OR7C1: variants seen among roughly 807,000 people sequenced by gnomAD.
OR7C1 encodes olfactory receptor family 7 subfamily C member 1, also known as olfactory receptor 7C1.
For missense variants in OR7C1, 324 were observed against 383.3 expected (o/e 0.85, Z 1.29); for synonymous variants, 152 against 160.7 (o/e 0.95, Z 0.41).
intron 1 of OR7C1, 35 bp from the exon 2 acceptor site, chr19:14,810,028 G>A (rs2044683379): frequency 1.3e-5 from 2 of 152,036 alleles, no homozygotes; most frequent in East Asian, 1.9e-4. Context: ...ATGGAGAACC[G>A]GAGGCTGAAT....
At chr19:14,829,362 C>A (rs922327925) in intron 1 of OR7C1, among the ~76,000 whole-genome samples, 1 of 152,174 alleles carries the variant, frequency 6.6e-6, no homozygotes, top group Admixed American at 6.5e-5. Context: ...CACCACCACG[C>A]CCAGCTAATT....
chr19:14,827,412 A>C, intron 1 of OR7C1: 1 of 1,614,134 alleles, frequency 6.2e-7, no homozygotes, highest in Non-Finnish European at 8.5e-7. Flanking sequence ...CACAGTGTAC[A>C]TCACTGAGGC....
At chr19:14,828,790 A>T (rs62122653) in intron 1 of OR7C1, among the ~76,000 whole-genome samples, 1 of 148,234 alleles carries the variant, frequency 6.7e-6, no homozygotes, top group Non-Finnish European at 1.5e-5. Context: ...AAAAAAAAGA[A>T]TGAGAACTTC....
chr19:14,811,138 G>A (rs2044689069), intron 1 of OR7C1, among the ~76,000 whole-genome samples: 1 of 151,864 alleles, frequency 6.6e-6, no homozygotes, highest in South Asian at 2.1e-4. Context: ...ACACTAATGG[G>A]CATGGCTGTT....
chr19:14,815,298 A>G (rs1284930831), intron 1 of OR7C1, among the ~76,000 whole-genome samples: 1 of 152,220 alleles, frequency 6.6e-6, no homozygotes, highest in East Asian at 1.9e-4. Flanking sequence ...GTCTACTTGT[A>G]ATACATTTAA....
At chr19:14,807,908 A>C (rs1355701069) in intron 2 of OR7C1, among the ~76,000 whole-genome samples, 1 of 150,672 alleles carries the variant, frequency 6.6e-6, no homozygotes, top group Non-Finnish European at 1.5e-5. Flanking sequence ...AAAAAAAAAC[A>C]AACAAACAGT....
intron 2 of OR7C1, among the ~76,000 whole-genome samples, chr19:14,804,178 T>A (rs936258825): frequency 3.9e-5 from 6 of 152,076 alleles, no homozygotes; most frequent in Admixed American, 1.3e-4. Flanking sequence ...AGGCTGGAGT[T>A]GAAAAATGCT....
chr19:14,814,925 C>G (rs560991276), intron 1 of OR7C1, among the ~76,000 whole-genome samples: 1 of 152,188 alleles, frequency 6.6e-6, no homozygotes, highest in African/African-American at 2.4e-5. Context: ...AGACTTCTTG[C>G]GGCAATAAGA....
At chr19:14,827,486 A>T (rs142845935) in intron 1 of OR7C1, 1 of 1,614,186 alleles carries the variant, frequency 6.2e-7, no homozygotes, top group Admixed American at 1.7e-5. Context: ...GGATTGCACC[A>T]TAAAATAAGG....
At chr19:14,813,470 G>T (rs1034986793) in intron 1 of OR7C1, among the ~76,000 whole-genome samples, 78 of 152,052 alleles carry the variant, frequency 5.1e-4, no homozygotes, top group Middle Eastern at 3.4e-3. Flanking sequence ...CAGGAGAATG[G>T]CATGAACCCA....
intron 1 of OR7C1, among the ~76,000 whole-genome samples, chr19:14,829,445 C>T (rs924693292): frequency 3.3e-5 from 5 of 152,128 alleles, no homozygotes; most frequent in South Asian, 2.1e-4. Flanking sequence ...TCAGGTGATC[C>T]GCTCACCTCG....
intron 1 of OR7C1, among the ~76,000 whole-genome samples, chr19:14,818,267 G>A (rs2044725733): frequency 6.6e-6 from 1 of 151,542 alleles, no homozygotes; most frequent in Admixed American, 6.6e-5. Context: ...TAATTTTTTT[G>A]AATTTTTTAG....
At chr19:14,827,585 A>G in intron 1 of OR7C1, 5 of 1,614,164 alleles carry the variant, frequency 3.1e-6, no homozygotes, top group Non-Finnish European at 4.2e-6. Flanking sequence ...AAATTATCTT[A>G]GAGTAAGAGT....
Position 14,807,231 on chromosome 19 carries a change from C to CT in OR7C1, c.-435+2574dup, listed in dbSNP as rs528837147. Among the ~76,000 whole-genome samples, 20 of 151,870 alleles carry CT rather than the reference C, an allele frequency of 1.3e-4. No homozygotes were observed. The East Asian group carries it at 3.7e-3, about 28-fold the overall frequency. Reference sequence around the variant, plus strand: ...GGGATGGCCATGCTTCTATTAAGCACTTTTTTGTTTTAATGTTATGGATCC... The same window carrying CT: ...GGGATGGCCATGCTTCTATTAAGCACTTTTTTTGTTTTAATGTTATGGATCC... On this transcript the variant is annotated intron_variant, in intron 2 of 4. Transcript: ENST00000641666.
chr19:14,828,170 T>A (rs1308211063), intron 1 of OR7C1: 2 of 1,613,796 alleles, frequency 1.2e-6, no homozygotes, highest in Non-Finnish European at 1.7e-6. Flanking sequence ...AGAGGAAGGG[T>A]TGCAGTCCAG....
At chr19:14,810,855 T>C (rs2044687973) in intron 1 of OR7C1, among the ~76,000 whole-genome samples, 1 of 151,896 alleles carries the variant, frequency 6.6e-6, no homozygotes, top group Admixed American at 6.6e-5. Flanking sequence ...AGTTATTCGG[T>C]TTCTTCATCT....
At chr19:14,821,062 A>AC (rs1283289983) in intron 1 of OR7C1, among the ~76,000 whole-genome samples, 2 of 151,992 alleles carry the variant, frequency 1.3e-5, no homozygotes, top group Admixed American at 1.3e-4. Context: ...ACATGGTGAA[A>AC]CCCTGTCTCT....
At chr19:14,827,827 G>T in intron 1 of OR7C1, 1 of 1,614,182 alleles carries the variant, frequency 6.2e-7, no homozygotes, top group East Asian at 2.2e-5. Flanking sequence ...CCACAGAGGT[G>T]AGGGTTCATA....
chr19:14,821,670 TATC>T (rs1249070105), intron 1 of OR7C1, among the ~76,000 whole-genome samples: 50 of 152,382 alleles, frequency 3.3e-4, no homozygotes, highest in African/African-American at 1.0e-3. Flanking sequence ...TAGGTACCCT[TATC>T]ATATATGATG....
Sources: gnomAD v4.1 joint callset for allele counts (sites outside exome capture counted in the v4.1 genomes callset) on GRCh38, gnomAD v4.1.1 for gene constraint, MANE v1.5 for transcripts, NCBI Gene and HGNC (gene_info 2026-07-23, HGNC 2026-07-21) for gene names.